The following ALMS1 variants were observed in gnomAD, a reference collection of about 807,000 sequenced individuals.
ALMS1 encodes ALMS1 centrosome and basal body associated protein, also known as centrosome-associated protein ALMS1.
A neutral mutation model predicts 352.2 loss-of-function variants in ALMS1; 271 were observed. The observed-to-expected ratio is 0.77, with a 90% CI of 0.70 to 0.85. The LOEUF (loss-of-function observed/expected upper bound fraction) is 0.85, where lower values mean the gene tolerates loss of function less well. ALMS1 is among the 40% of genes least tolerant of loss of function. The probability of loss-of-function intolerance (pLI) is 0.00; values close to 1 mark genes in which losing one functional copy is unlikely to be tolerated. For synonymous variants in ALMS1, 1,865 were observed against 1,761.2 expected (o/e 1.06, Z -1.48); for missense variants, 5,445 against 4,870.7 (o/e 1.12, Z -3.51).
At position 73,449,377 on chromosome 2, in the gene ALMS1, G is replaced by A. The variant is rs551541932; in HGVS notation, c.2850G>A (p.Val950=). The A allele has an allele frequency of 2.9e-5, 47 of 1,613,864 alleles. No homozygotes were observed. The highest frequency in any genetic ancestry group is 3.7e-5 in the Non-Finnish European group (44 of 1,179,974). Residue 950 remains valine, a synonymous_variant, in exon 8 of 23, where the codon GTG becomes GTA. Transcript: ENST00000613296. ...CCCAGAAGACTGGGACACCAACAGT[G>A]TCCTCTAATTCTCACTCACATAGCG... ...LAAQKTGTPT[V]SSNSHSHSEK...
chr2:73,449,185 A>G lies in ALMS1; in HGVS notation c.2658A>G (p.Lys886=), dbSNP rs80133984. 667 of 1,614,146 alleles carry G rather than the reference A, an allele frequency of 4.1e-4. 5 individuals carry two copies. The African/African-American group carries it at 8.1e-3, about 20-fold the overall frequency. The change falls in exon 8 of 23, where the codon AAA becomes AAG. Residue 886 remains lysine, a synonymous_variant. Coordinates refer to ENST00000613296, the MANE Select transcript of ALMS1 (RefSeq NM_001378454.1). ...GTCATCTAACTGAAGAGGCTCTGAA[A>G]GTATCAATTGTTCCTGGACCAGGTG... ...PNSHLTEEAL[K]VSIVPGPGDQ...
intron 17 of ALMS1, among the ~76,000 whole-genome samples, chr2:73,599,966 C>T (rs1675638379): frequency 6.6e-6 from 1 of 152,104 alleles, no homozygotes. Context: ...TGAATGATTA[C>T]ATAAATTATT....
chr2:73,471,493 C>CAAAAA (rs58688820), intron 9 of ALMS1, among the ~76,000 whole-genome samples: 15,557 of 112,978 alleles, frequency 0.14, 1,267 homozygotes, highest in African/African-American at 0.22. Context: ...ACTCAACAGC[C>CAAAAA]AAAAAAAAAA....
In ALMS1 at chr2:73,451,520, T is replaced by G; in HGVS notation, c.4993T>G (p.Tyr1665Asp). The G allele has an allele frequency of 1.2e-6, 2 of 1,614,002 alleles. No individual in the cohort carries two copies. Among genetic ancestry groups the G allele is most frequent in the East Asian group, 4.5e-5 (2 of 44,860 alleles). ...GACATTACCAGTACATTCTACTAGCTACTCAAATAGGGGGAAGCCTGTCAT... is the reference window on the plus strand; with the variant it reads ...GACATTACCAGTACATTCTACTAGCGACTCAAATAGGGGGAAGCCTGTCAT... ...TETLPVHSTS[Y>D]SNRGKPVIFY... is the part of the protein sequence containing the mutation. Residue 1665 changes from tyrosine (Y) to aspartate (D), a missense_variant, in exon 8 of 23, where the codon TAC becomes GAC. Transcript: ENST00000613296.
intron 2 of ALMS1, among the ~76,000 whole-genome samples, chr2:73,411,360 G>T (rs901561922): frequency 1.3e-5 from 2 of 152,092 alleles, no homozygotes; most frequent in African/African-American, 4.8e-5. Context: ...CCAACACCTT[G>T]ATTTCAGACT....
At chr2:73,463,881 C>G (rs1362234843) in intron 9 of ALMS1, among the ~76,000 whole-genome samples, 1 of 151,646 alleles carries the variant, frequency 6.6e-6, no homozygotes, top group Non-Finnish European at 1.5e-5. Context: ...ATACACCCTC[C>G]CAAGACTAAA....
At chr2:73,465,104 C>T (rs550179621) in intron 9 of ALMS1, among the ~76,000 whole-genome samples, 10 of 152,266 alleles carry the variant, frequency 6.6e-5, no homozygotes, top group South Asian at 2.1e-4. Context: ...ATCAAGCTAC[C>T]GGTGACTTTC....
chr2:73,430,905 A>G (rs1296367728), intron 6 of ALMS1, among the ~76,000 whole-genome samples: 3 of 151,904 alleles, frequency 2.0e-5, no homozygotes, highest in African/African-American at 7.2e-5. Context: ...ATATATTTAT[A>G]TATATTTATG....
At chr2:73,444,136 C>T (rs1030214095) in intron 7 of ALMS1, among the ~76,000 whole-genome samples, 1 of 152,060 alleles carries the variant, frequency 6.6e-6, no homozygotes, top group Non-Finnish European at 1.5e-5. Context: ...TTACTCAGGG[C>T]AGGGAGGGAA....
chr2:73,459,616 T>G (rs1315225405), intron 9 of ALMS1: 1 of 152,220 alleles, frequency 6.6e-6, no homozygotes, highest in Non-Finnish European at 1.5e-5. Flanking sequence ...ATCACTATCA[T>G]TGTTTATTTT....
intron 9 of ALMS1, among the ~76,000 whole-genome samples, chr2:73,480,141 A>G (rs948611766): frequency 6.6e-6 from 1 of 151,924 alleles, no homozygotes; most frequent in Admixed American, 6.6e-5. Context: ...TTAGTTACAT[A>G]TGTATACATG....
At chr2:73,604,934 A>T (rs1196974461) in intron 21 of ALMS1, among the ~76,000 whole-genome samples, 1 of 152,212 alleles carries the variant, frequency 6.6e-6, no homozygotes, top group African/African-American at 2.4e-5. Context: ...CAGGAGTGTG[A>T]TGGAAGAACA....
chr2:73,563,751 A>AAAG (rs1674718167), intron 15 of ALMS1, among the ~76,000 whole-genome samples: 1 of 144,188 alleles, frequency 6.9e-6, no homozygotes, highest in African/African-American at 2.7e-5. Flanking sequence ...TAAAAATAAA[A>AAAG]AATGAAGGTA....
At chr2:73,466,052 C>T (rs531023337) in intron 9 of ALMS1, among the ~76,000 whole-genome samples, 1 of 152,250 alleles carries the variant, frequency 6.6e-6, no homozygotes, top group Non-Finnish European at 1.5e-5. Context: ...TAAACTAGTT[C>T]AACCACTGTG....
rs1221650688 is a variant in ALMS1 at position 73,489,705 on chromosome 2, T to A, written c.7746T>A (p.His2582Gln). ...GTAGTCACATTATTATTGAGAGCCATGAAAAGGGATGTTTCCGGACTCTAA... is the reference window on the plus strand; with the variant it reads ...GTAGTCACATTATTATTGAGAGCCAAGAAAAGGGATGTTTCCGGACTCTAA... ...AVCSHIIIESHEKGCFRTLTS... is the reference protein window; with the variant it reads ...AVCSHIIIESQEKGCFRTLTS... The change falls in exon 10 of 23, where the codon CAT becomes CAA. Residue 2582 changes from histidine (H) to glutamine (Q), a missense_variant. By Grantham distance (24) the His-to-Gln change is conservative. Coordinates refer to ENST00000613296, the MANE Select transcript of ALMS1 (RefSeq NM_001378454.1). 8 of 1,614,130 alleles carry A rather than the reference T, an allele frequency of 5.0e-6. No individual in the cohort carries two copies. In the South Asian group the frequency reaches 8.8e-5, roughly 18 times the overall value.
intron 7 of ALMS1, among the ~76,000 whole-genome samples, chr2:73,442,614 ATTGT>A (rs1297550059): frequency 6.6e-6 from 1 of 152,162 alleles, no homozygotes; most frequent in Non-Finnish European, 1.5e-5. Flanking sequence ...AGTCTCGATG[ATTGT>A]TTGCTAACTG....
At chr2:73,579,085 T>TTTTTTTTTA (rs1675116414) in intron 16 of ALMS1, among the ~76,000 whole-genome samples, 1 of 149,130 alleles carries the variant, frequency 6.7e-6, no homozygotes, top group Non-Finnish European at 1.5e-5. Flanking sequence ...ATTTTTTTTT[T>TTTTTTTTTA]TGAGACGGAG....
intron 11 of ALMS1, among the ~76,000 whole-genome samples, chr2:73,528,429 C>T (rs577608216): frequency 6.6e-6 from 1 of 152,300 alleles, no homozygotes; most frequent in South Asian, 2.1e-4. Context: ...TATATATTTA[C>T]AGTTGTTATA....
intron 9 of ALMS1, among the ~76,000 whole-genome samples, chr2:73,488,803 G>A (rs555172114): frequency 9.2e-5 from 14 of 152,274 alleles, no homozygotes; most frequent in African/African-American, 3.1e-4. Context: ...TGACTGTATA[G>A]GTAAAATACA....
Sources: gnomAD v4.1 joint callset for allele counts (sites outside exome capture counted in the v4.1 genomes callset) on GRCh38, gnomAD v4.1.1 for gene constraint, MANE v1.5 for transcripts, NCBI Gene and HGNC (gene_info 2026-07-23, HGNC 2026-07-21) for gene names.